Variants in PDXDC1 observed in about 807,000 individuals in gnomAD.
PDXDC1 encodes pyridoxal dependent decarboxylase domain containing 1.
PDXDC1 carries 42 observed loss-of-function variants against 100.1 expected under a neutral mutation model. The ratio of observed to expected loss-of-function variants is 0.42; its 90% CI spans 0.33 to 0.54. The LOEUF (loss-of-function observed/expected upper bound fraction) is 0.54, where lower values mean the gene tolerates loss of function less well. PDXDC1 is among the 20% of genes least tolerant of loss of function. The probability of loss-of-function intolerance (pLI) is 0.10; values close to 1 mark genes in which losing one functional copy is unlikely to be tolerated. For synonymous variants in PDXDC1, 260 were observed against 371.7 expected (o/e 0.70, Z 3.46); for missense variants, 636 against 979.2 (o/e 0.65, Z 4.68).
chr16:15,033,008 G>A (rs759925228), intron 18 of PDXDC1, 29 bp downstream of exon 18: 1 of 1,361,840 alleles, frequency 7.3e-7, no homozygotes, highest in East Asian at 2.3e-5. Context: ...AGTCAGCTGT[G>A]GGGTTTGGAA....
At chr16:15,111,287 T>C (rs2047048613) in intron 16 of PDXDC1, among the ~76,000 whole-genome samples, 1 of 145,406 alleles carries the variant, frequency 6.9e-6, no homozygotes, top group Non-Finnish European at 1.5e-5. Flanking sequence ...AGAAACGCTG[T>C]CTCTGCTAAA....
chr16:15,046,165 G>C (rs1020456692), intron 16 of PDXDC1: 1 of 152,336 alleles, frequency 6.6e-6, no homozygotes, highest in Admixed American at 6.5e-5. Flanking sequence ...CATGGGTCAC[G>C]TGTCCATGAA....
At chr16:15,006,134 C>T (rs1194357959) in intron 5 of PDXDC1, among the ~76,000 whole-genome samples, 2 of 152,274 alleles carry the variant, frequency 1.3e-5, no homozygotes, top group Non-Finnish European at 1.5e-5. Flanking sequence ...TCTGAGAATT[C>T]CTGGTCTCTA....
At chr16:15,008,259 G>T in intron 6 of PDXDC1, among the ~76,000 whole-genome samples, 1 of 152,288 alleles carries the variant, frequency 6.6e-6, no homozygotes, top group Non-Finnish European at 1.5e-5. Context: ...TAAACATGAA[G>T]AATATAAAAT....
At chr16:15,129,144 G>A (rs949676448) in intron 16 of PDXDC1, among the ~76,000 whole-genome samples, 5 of 151,888 alleles carry the variant, frequency 3.3e-5, no homozygotes, top group African/African-American at 1.2e-4. Flanking sequence ...AAAGAACTGG[G>A]AAATGAAGAT....
intron 16 of PDXDC1, chr16:15,134,038 C>T: frequency 1.3e-6 from 2 of 1,564,382 alleles, no homozygotes; most frequent in Non-Finnish European, 1.7e-6. Flanking sequence ...TCATCCAGCA[C>T]CAGTGTCTTG....
chr16:15,038,502 A>AC (rs1003376544), downstream of PDXDC1: 1 of 889,018 alleles, frequency 1.1e-6, no homozygotes, highest in Non-Finnish European at 1.8e-6. Flanking sequence ...CCTGGTCTAA[A>AC]CCCTTTTTTT....
At chr16:15,110,158 A>C (rs2046984273) in intron 16 of PDXDC1, among the ~76,000 whole-genome samples, 1 of 150,234 alleles carries the variant, frequency 6.7e-6, no homozygotes, top group South Asian at 2.1e-4. Context: ...GAAAAAAAAA[A>C]AAAGAGAGAG....
chr16:15,135,833 C>G (rs559684661), intron 16 of PDXDC1: 1 of 1,482,486 alleles, frequency 6.7e-7, no homozygotes, highest in South Asian at 1.1e-5. Context: ...GGCCTGGATG[C>G]TCCGTGCCAG....
chr16:15,070,018 AG>A, intron 16 of PDXDC1: 1 of 956,162 alleles, frequency 1.0e-6, no homozygotes, highest in African/African-American at 1.7e-5. Flanking sequence ...ACCATTCTGA[AG>A]GGTGACAAGA....
At chr16:15,045,000 TGTA>T (rs1217732120) in intron 16 of PDXDC1, 1 of 152,492 alleles carries the variant, frequency 6.6e-6, no homozygotes, top group Non-Finnish European at 1.5e-5. Flanking sequence ...GGCATGTGCC[TGTA>T]GTCCCAGCTA....
At chr16:15,114,593 TAATG>T in intron 16 of PDXDC1, 1 of 1,302,582 alleles carries the variant, frequency 7.7e-7, no homozygotes, top group Non-Finnish European at 1.1e-6. Flanking sequence ...ATAGTTGAAA[TAATG>T]AAAAGGTCAA....
Position 15,110,985 on chromosome 16 carries a change from C to T in PDXDC1, c.1400-27894C>T, listed in dbSNP as rs2047026027. On this transcript the variant is annotated intron_variant, in intron 16 of 16. Transcript: ENST00000535621. ...CTCTACTAAAAATACAAAAATTAGCCGGGCATGGCAGTGGGCGCCTGTAAT... is the reference window on the plus strand; with the variant it reads ...CTCTACTAAAAATACAAAAATTAGCTGGGCATGGCAGTGGGCGCCTGTAAT... 2.0e-5 allele frequency among the ~76,000 whole-genome samples: 3 copies of T among 147,448 alleles called. 1 individual carries two copies. Among genetic ancestry groups the T allele is most frequent in the Admixed American group, 1.4e-4 (2 of 14,744 alleles).
rs539693389 is a variant in PDXDC1 at position 15,125,366 on chromosome 16, C to T, written c.1400-13513C>T. 10 of 719,920 alleles carry T rather than the reference C, an allele frequency of 1.4e-5. No homozygotes were observed. The Admixed American group carries it at 1.9e-4, about 14-fold the overall frequency. The allele number at this position is 719,920 out of a possible 1,614,324, so 44.6% of individuals were successfully genotyped here. ...GTCAGCAAGGTACCAGGGGATGTGTCACACACACAGCCCACCCCCGTCCAG... is the reference window on the plus strand; with the variant it reads ...GTCAGCAAGGTACCAGGGGATGTGTTACACACACAGCCCACCCCCGTCCAG... On this transcript the variant is annotated intron_variant, in intron 16 of 16. Coordinates refer to the PDXDC1 transcript ENST00000535621.
At chr16:15,063,288 C>T (rs748963619) in intron 16 of PDXDC1, 6 of 1,602,252 alleles carry the variant, frequency 3.7e-6, no homozygotes, top group Middle Eastern at 1.7e-4. Context: ...TTTGACCTGT[C>T]AACAAAGATC....
chr16:15,053,711 G>C lies in PDXDC1; in HGVS notation c.1399+23655G>C, dbSNP rs184728850. Among the ~76,000 whole-genome samples, 8 of 152,168 alleles carry C rather than the reference G, an allele frequency of 5.3e-5. No homozygotes were observed. In the East Asian group the frequency reaches 1.5e-3, roughly 29 times the overall value. ...AGATCACTTGAGGTCAGGAGTTCAA[G>C]AACAGCCTGGCCAACATGGTGAAAA... is the stretch of plus-strand genomic sequence containing the variant. On this transcript the variant is annotated intron_variant, in intron 16 of 16. Coordinates refer to the PDXDC1 transcript ENST00000535621.
chr16:15,091,435 C>T lies in PDXDC1; in HGVS notation c.1400-47444C>T. 2.8e-6 allele frequency: 3 copies of T among 1,075,972 alleles called. No individual in the cohort carries two copies. The South Asian group carries it at 4.3e-5, about 16-fold the overall frequency. The allele number at this position is 1,075,972 out of a possible 1,614,324, so 66.7% of individuals were successfully genotyped here. On this transcript the variant is annotated intron_variant, in intron 16 of 16. Transcript: ENST00000535621. ...TTCCTGTTTAGTATCAACAGCAAGACTTTTAACCGTACTTTAACATCAGAT... is the reference window on the plus strand; with the variant it reads ...TTCCTGTTTAGTATCAACAGCAAGATTTTTAACCGTACTTTAACATCAGAT...
At chr16:15,090,365 C>A (rs966280050) in intron 16 of PDXDC1, among the ~76,000 whole-genome samples, 1 of 152,128 alleles carries the variant, frequency 6.6e-6, no homozygotes, top group African/African-American at 2.4e-5. Context: ...CAATTATTGC[C>A]CTTACTTTGA....
chr16:15,091,205 A>G (rs2046118221), intron 16 of PDXDC1: 7 of 1,310,470 alleles, frequency 5.3e-6, no homozygotes, highest in Non-Finnish European at 7.4e-6. Flanking sequence ...AAAATAAGGG[A>G]GGACCATGGA....
Sources: allele counts gnomAD v4.1 joint callset (sites outside exome capture counted in the v4.1 genomes callset), GRCh38; gene constraint gnomAD v4.1.1; transcripts MANE v1.5; gene names NCBI Gene and HGNC (gene_info 2026-07-23, HGNC 2026-07-21).